Variants in KDM3A observed in about 807,000 individuals in gnomAD.
KDM3A encodes lysine-specific demethylase 3A.
In KDM3A, 60 loss-of-function variants were observed where a neutral mutation model predicts 158.0. That is an observed-to-expected ratio of 0.38 (90% CI 0.31 to 0.47). The LOEUF is 0.47. KDM3A is among the 20% of genes least tolerant of loss of function. The pLI is 0.99. For missense variants in KDM3A, 1,319 were observed against 1,574.3 expected (o/e 0.84, Z 2.74); for synonymous variants, 608 against 549.3 (o/e 1.11, Z -1.49).
Position 86,481,954 on chromosome 2 carries a change from T to C in KDM3A, c.2537T>C (p.Leu846Ser). 1 of 1,611,188 alleles carries C rather than the reference T, an allele frequency of 6.2e-7. No homozygotes were observed. Among genetic ancestry groups the C allele is most frequent in the Non-Finnish European group, 8.5e-7 (1 of 1,179,110 alleles). Residue 846 changes from leucine to serine, a missense_variant, in exon 17 of 26, where the codon TTA becomes TCA. Physicochemically the swap from Leu to Ser is moderately radical, Grantham distance 145. Transcript: ENST00000312912. Reference sequence around the variant, plus strand: ...GAAAAACAACCAACAATGCCAATTTTAAAGAATGAAATCAAATGCCTTCCA... The same window carrying C: ...GAAAAACAACCAACAATGCCAATTTCAAAGAATGAAATCAAATGCCTTCCA... ...NKEKQPTMPI[L>S]KNEIKCLPPL...
intron 2 of KDM3A, among the ~76,000 whole-genome samples, chr2:86,444,471 TAAAA>T (rs946443414): frequency 9.9e-5 from 15 of 151,868 alleles, no homozygotes; most frequent in Admixed American, 7.2e-4. Flanking sequence ...CATGTTGCAT[TAAAA>T]AAAACCAGGA....
In KDM3A at chr2:86,482,063, T is replaced by C. The variant is rs751651265; in HGVS notation, c.2646T>C (p.Ser882=). 2 of 1,614,226 alleles carry C rather than the reference T, an allele frequency of 1.2e-6. No individual in the cohort carries two copies. The highest frequency in any genetic ancestry group is 2.2e-5 in the South Asian group (2 of 91,082). ...TGACACCCGTAAGCAACAACAATTC[T>C]GGTTTCCTCCGGAATCTCTTGAATT... ...TILTPVSNNN[S]GFLRNLLNSS... Residue 882 remains serine (S), a synonymous_variant, in exon 17 of 26, where the codon TCT becomes TCC. Transcript: ENST00000312912.
upstream of KDM3A, chr2:86,441,257 CTGT>C (rs1682685967): frequency 6.6e-6 from 1 of 151,592 alleles, no homozygotes; most frequent in Non-Finnish European, 1.5e-5. Flanking sequence ...TGGTGATGAT[CTGT>C]TTCCCCCGGA....
rs761075398 is a variant in KDM3A, at chr2:86,470,348, G to A, written c.1664G>A (p.Arg555His). 10 of 1,613,928 alleles carry A rather than the reference G, an allele frequency of 6.2e-6. No homozygotes were observed. Among genetic ancestry groups the A allele is most frequent in the Middle Eastern group, 1.6e-4 (1 of 6,080 alleles). The change falls in exon 11 of 26, where the codon CGC (arginine) becomes CAC (histidine). Residue 555 changes from arginine to histidine, a missense_variant. Physicochemically the swap from Arg to His is conservative, Grantham distance 29. Around this residue, in one of 4 missense-constraint regions of KDM3A, gnomAD observed 113 missense variants for 190.5 expected, o/e 0.59. Transcript: ENST00000312912. ...KCRECRLDSL[R>H]KDKEQQKDSP... ...CGAGAGTGTCGCTTGGACAGTCTCC[G>A]CAAGGATAAGGAGCAACAGAAGGAC...
chr2:86,482,515 GTGCAAAATAAGACGA>G lies in KDM3A; in HGVS notation c.2744_2758del (p.Val915_Thr920delinsAla). On this transcript the variant is annotated inframe_deletion, in exon 18 of 26. Transcript: ENST00000312912. ...CCTTGATGACATCTTTGCCTCTTTG[GTGCAAAATAAGACGA>G]CTTCTGATTTATCTAAGAGGCCTCA... 1 of 1,614,124 alleles carries G rather than the reference GTGCAAAATAAGACGA, an allele frequency of 6.2e-7. No homozygotes were observed. Among genetic ancestry groups the G allele is most frequent in the Non-Finnish European group, 8.5e-7 (1 of 1,180,030 alleles).
At position 86,480,381 on chromosome 2, in the gene KDM3A, T is replaced by A. The variant is rs4832290; in HGVS notation, c.2512+19T>A. ...AACAAGGGTGAGTGTTTCCTGCTTT[T>A]GTGTTTGTTCTTGAGTATTTTAGTC... On this transcript the variant is annotated intron_variant, in intron 16 of 25. Coordinates refer to ENST00000312912, the MANE Select transcript of KDM3A (RefSeq NM_018433.6). 1.3e-5 allele frequency: 20 copies of A among 1,599,542 alleles called. No homozygotes were observed. In the South Asian group the frequency reaches 2.1e-4, roughly 17 times the overall value.
chr2:86,452,592 C>T (rs1672516615), intron 4 of KDM3A, among the ~76,000 whole-genome samples: 1 of 152,144 alleles, frequency 6.6e-6, no homozygotes, highest in African/African-American at 2.4e-5. Context: ...TAATAATATT[C>T]ATCTTTTAGA....
chr2:86,450,982 G>A lies in KDM3A; in HGVS notation c.343-121G>A, dbSNP rs536146514. On this transcript the variant is annotated intron_variant, in intron 3 of 25. Transcript: ENST00000312912. ...ATAAATAGTTGTTATGAGATAACTTGCAGTAAATAAAAAAAATTAGTGGCT... is the reference window on the plus strand; with the variant it reads ...ATAAATAGTTGTTATGAGATAACTTACAGTAAATAAAAAAAATTAGTGGCT... 516 of 585,752 alleles carry A rather than the reference G, an allele frequency of 8.8e-4. 4 individuals are homozygous for A. The highest frequency in any genetic ancestry group is 2.6e-3 in the South Asian group (109 of 41,344). The allele number at this position is 585,752 out of a possible 1,614,324, so 36.3% of individuals were successfully genotyped here. A position where few individuals can be genotyped will look rare whatever the true frequency, so the allele number is the denominator to read the frequency against.
intron 8 of KDM3A, among the ~76,000 whole-genome samples, chr2:86,459,088 A>G (rs915212554): frequency 1.3e-5 from 2 of 152,224 alleles, no homozygotes; most frequent in Non-Finnish European, 2.9e-5. Context: ...TCTGCCTCAA[A>G]GAACATGACA....
At chr2:86,455,280 G>T in intron 5 of KDM3A, 93 bp downstream of exon 5, 1 of 728,274 alleles carries the variant, frequency 1.4e-6, no homozygotes, top group Non-Finnish European at 2.3e-6. Flanking sequence ...TTTGCTCATG[G>T]AAATTTCTTT....
At chr2:86,463,493 T>G (rs1190748434) in intron 8 of KDM3A, among the ~76,000 whole-genome samples, 1 of 152,238 alleles carries the variant, frequency 6.6e-6, no homozygotes, top group Non-Finnish European at 1.5e-5. Context: ...CTGTCATAAC[T>G]TGATATTTTT....
chr2:86,465,140 G>A (rs992581646), intron 9 of KDM3A, among the ~76,000 whole-genome samples: 2 of 152,190 alleles, frequency 1.3e-5, no homozygotes, highest in Non-Finnish European at 2.9e-5. Flanking sequence ...TAGAAAAAAA[G>A]GACTTTGCAT....
intron 21 of KDM3A, chr2:86,488,280 G>A (rs544927997): frequency 1.3e-5 from 2 of 152,210 alleles, no homozygotes; most frequent in South Asian, 4.1e-4. Context: ...GTGAAAACTT[G>A]AGAGTCTGGT....
At chr2:86,451,446 T>C (rs1267203688) in intron 4 of KDM3A, among the ~76,000 whole-genome samples, 1 of 152,234 alleles carries the variant, frequency 6.6e-6, no homozygotes, top group East Asian at 1.9e-4. Context: ...ATATATATTA[T>C]GTACTGTATT....
upstream of KDM3A, chr2:86,440,681 C>T (rs1404279029): frequency 5.9e-5 from 9 of 152,362 alleles, no homozygotes; most frequent in Non-Finnish European, 1.3e-4. Context: ...CTTCATTTAT[C>T]CTTCAAAATG....
intron 4 of KDM3A, among the ~76,000 whole-genome samples, chr2:86,451,725 C>T (rs1672479647): frequency 6.6e-6 from 1 of 152,100 alleles, no homozygotes; most frequent in South Asian, 2.1e-4. Context: ...CAGGAAAGAA[C>T]CCATCCCATC....
chr2:86,440,512 A>G (rs982118765), upstream of KDM3A: 5 of 152,248 alleles, frequency 3.3e-5, no homozygotes, highest in African/African-American at 1.2e-4. Flanking sequence ...CTCTTCCATC[A>G]TTCATTATGG....
upstream of KDM3A, among the ~76,000 whole-genome samples, chr2:86,437,217 T>C (rs1682507315): frequency 6.6e-6 from 1 of 152,074 alleles, no homozygotes; most frequent in Admixed American, 6.5e-5. Flanking sequence ...CTCAGCTCAC[T>C]GCAACCTCTG....
At chr2:86,448,286 A>T (rs1683035774) in intron 2 of KDM3A, among the ~76,000 whole-genome samples, 1 of 152,172 alleles carries the variant, frequency 6.6e-6, no homozygotes, top group East Asian at 1.9e-4. Flanking sequence ...AGACTGGAGA[A>T]GGTTTGGGAT....
Sources: allele counts gnomAD v4.1 joint callset (sites outside exome capture counted in the v4.1 genomes callset), GRCh38; gene constraint gnomAD v4.1.1; regional missense constraint gnomAD v4.1.1; transcripts MANE v1.5; gene names NCBI Gene and HGNC (gene_info 2026-07-23, HGNC 2026-07-21).